FN3K: variants seen among roughly 807,000 people sequenced by gnomAD.
The protein encoded by FN3K is fructosamine-3-kinase.
A neutral mutation model predicts 24.8 loss-of-function variants in FN3K; 24 were observed. The ratio of observed to expected loss-of-function variants is 0.97; its 90% CI spans 0.70 to 1.36. The LOEUF (loss-of-function observed/expected upper bound fraction) is 1.36. Ranked by LOEUF, FN3K falls within the 40% of genes most tolerant of loss-of-function variation. The probability of loss-of-function intolerance (pLI) is 0.00; values close to 1 mark genes in which losing one functional copy is unlikely to be tolerated. For synonymous variants in FN3K, 192 were observed against 175.2 expected (o/e 1.10, Z -0.76); for missense variants, 449 against 416.7 (o/e 1.08, Z -0.67).
chr17:82,745,652 G>T (rs1202993458), intron 4 of FN3K: 1 of 152,150 alleles, frequency 6.6e-6, no homozygotes, highest in African/African-American at 2.4e-5. Context: ...ATGGATTTCT[G>T]GATCATTTCC....
intron 4 of FN3K, among the ~76,000 whole-genome samples, chr17:82,744,274 C>T (rs1464493991): frequency 5.3e-5 from 8 of 152,150 alleles, no homozygotes; most frequent in Admixed American, 6.5e-5. Context: ...AAATCAGCTT[C>T]GTATTTTTCT....
intron 5 of FN3K, chr17:82,749,867 G>A (rs892051873): frequency 6.3e-5 from 11 of 173,574 alleles, no homozygotes; most frequent in Non-Finnish European, 1.1e-4. Flanking sequence ...AGACCAGACT[G>A]GCCAATATGG....
chr17:82,741,491 G>T (rs563576072), intron 4 of FN3K, 98 bp downstream of exon 4: 2 of 1,124,082 alleles, frequency 1.8e-6, no homozygotes. Context: ...CAGCAAGATT[G>T]ACTACTTGAT....
chr17:82,739,653 T>TA (rs1304665714), intron 2 of FN3K, among the ~76,000 whole-genome samples: 1 of 152,038 alleles, frequency 6.6e-6, no homozygotes, highest in Admixed American at 6.6e-5. Context: ...GAGACGGGGT[T>TA]TCACCATGTT....
At chr17:82,740,083 A>G (rs1388744153) in intron 2 of FN3K, among the ~76,000 whole-genome samples, 1 of 151,452 alleles carries the variant, frequency 6.6e-6, no homozygotes, top group Admixed American at 6.6e-5. Context: ...TTGTATTTTT[A>G]GTAGAGATGG....
intron 1 of FN3K, among the ~76,000 whole-genome samples, chr17:82,736,967 A>G (rs1243449791): frequency 6.6e-6 from 1 of 151,452 alleles, no homozygotes; most frequent in Non-Finnish European, 1.5e-5. Flanking sequence ...TGCTCAGTCC[A>G]TGCATAAGAG....
chr17:82,750,120 G>A (rs1030290102), intron 5 of FN3K, among the ~76,000 whole-genome samples: 1 of 152,124 alleles, frequency 6.6e-6, no homozygotes, highest in African/African-American at 2.4e-5. Context: ...AAATAAAAGT[G>A]GCCAGAGTTT....
intron 4 of FN3K, 192 bp downstream of exon 4, chr17:82,741,585 T>C (rs1053732091): frequency 2.0e-5 from 11 of 561,224 alleles, no homozygotes; most frequent in African/African-American, 1.1e-4. Flanking sequence ...GGCAGGGTCA[T>C]GGGACATGCT....
intron 4 of FN3K, among the ~76,000 whole-genome samples, chr17:82,747,555 C>A (rs922176737): frequency 6.6e-6 from 1 of 152,196 alleles, no homozygotes; most frequent in Non-Finnish European, 1.5e-5. Flanking sequence ...CATGCACCAT[C>A]ACGCCCAGCT....
intron 4 of FN3K, among the ~76,000 whole-genome samples, chr17:82,744,081 G>A (rs2046955348): frequency 6.6e-6 from 1 of 152,184 alleles, no homozygotes. Context: ...CTCTGAGCTG[G>A]GGATCTGACA....
intron 2 of FN3K, among the ~76,000 whole-genome samples, chr17:82,739,593 G>T (rs1421910740): frequency 1.3e-5 from 2 of 151,970 alleles, no homozygotes; most frequent in Non-Finnish European, 2.9e-5. Flanking sequence ...GAGTAGAAGG[G>T]ACTACAGGCG....
At chr17:82,749,808 C>G (rs1598344257) in intron 5 of FN3K, 1 of 163,138 alleles carries the variant, frequency 6.1e-6, no homozygotes, top group Admixed American at 5.7e-5. Flanking sequence ...GTAATCCTAG[C>G]ACTTTGGGAG....
In FN3K at chr17:82,750,692, G is replaced by A. The variant is rs369951220; in HGVS notation, c.867G>A (p.Trp289Ter). Residue 289 changes from tryptophan to a stop codon, truncating the protein, a stop_gained, in exon 6 of 6, where the codon TGG becomes TGA. Coordinates refer to ENST00000300784, the MANE Select transcript of FN3K (RefSeq NM_022158.4). LOFTEE classifies it low-confidence loss of function (END_TRUNC). ...AGCTGTTTAACTACCTGAACCACTGGAACCACTTCGGGCGGGAGTACAGGA... is the reference window on the plus strand; with the variant it reads ...AGCTGTTTAACTACCTGAACCACTGAAACCACTTCGGGCGGGAGTACAGGA... ...LYQLFNYLNH[W>*]NHFGREYRSP... is the part of the protein sequence containing the mutation. 3 of 1,613,718 alleles carry A rather than the reference G, an allele frequency of 1.9e-6. No individual in the cohort carries two copies. Among genetic ancestry groups the A allele is most frequent in the African/African-American group, 2.7e-5 (2 of 74,912 alleles).
chr17:82,739,986 C>T (rs2143641948), intron 2 of FN3K, among the ~76,000 whole-genome samples: 1 of 152,212 alleles, frequency 6.6e-6, no homozygotes, highest in East Asian at 1.9e-4. Flanking sequence ...TCACTGCAAG[C>T]TCTGCCTCTT....
chr17:82,746,019 G>A (rs2046966565), intron 4 of FN3K, among the ~76,000 whole-genome samples: 1 of 151,420 alleles, frequency 6.6e-6, no homozygotes, highest in Non-Finnish European at 1.5e-5. Flanking sequence ...GCGTGAACTC[G>A]GGAGGTGGAG....
chr17:82,738,728 A>G, intron 2 of FN3K, 88 bp downstream of exon 2: 1 of 1,535,252 alleles, frequency 6.5e-7, no homozygotes, highest in Non-Finnish European at 9.0e-7. Context: ...AAAGGGATAG[A>G]GATGGGGAGG....
chr17:82,738,188 C>A, intron 1 of FN3K: 1 of 376,344 alleles, frequency 2.7e-6, no homozygotes, highest in South Asian at 3.3e-5. Flanking sequence ...TCACTCACAC[C>A]TCCCCACGCC....
rs560970710 is a variant in FN3K at position 82,740,757 on chromosome 17, C to G, written c.294-6C>G. On this transcript the variant is annotated splice_region_variant and splice_polypyrimidine_tract_variant and intron_variant, in intron 2 of 5. Transcript: ENST00000300784. ...TTTTAATTAGCTGCATTTCTTCTTT[C>G]CTCAGTCAAGCATCAAAACTTGGAG... 1 of 1,605,988 alleles carries G rather than the reference C, an allele frequency of 6.2e-7. No homozygotes were observed. Among genetic ancestry groups the G allele is most frequent in the Non-Finnish European group, 8.5e-7 (1 of 1,172,992 alleles).
At chr17:82,741,144 G>A in intron 3 of FN3K, 167 bp from the exon 4 acceptor site, 1 of 720,280 alleles carries the variant, frequency 1.4e-6, no homozygotes, top group Admixed American at 2.0e-5. Context: ...TGAGGTAGGA[G>A]TGTCCTGGCA....
Sources: gnomAD v4.1 joint callset for allele counts (sites outside exome capture counted in the v4.1 genomes callset) on GRCh38, gnomAD v4.1.1 for gene constraint, MANE v1.5 for transcripts, NCBI Gene and HGNC (gene_info 2026-07-23, HGNC 2026-07-21) for gene names.